Variants in MCTP2 observed in about 807,000 individuals in gnomAD.
MCTP2 encodes the protein multiple C2 and transmembrane domain containing 2, also known as multiple C2 and transmembrane domain-containing protein 2.
Under a neutral mutation model 111.6 loss-of-function variants are expected in MCTP2, and 132 were observed. The observed-to-expected ratio is 1.18, with a 90% CI of 1.03 to 1.37. The LOEUF is 1.37. MCTP2 is among the 40% of genes most tolerant of loss of function. The pLI is 0.00. For missense variants in MCTP2, 1,183 were observed against 1,067.9 expected (o/e 1.11, Z -1.50); for synonymous variants, 395 against 387.7 (o/e 1.02, Z -0.22).
intron 14 of MCTP2, among the ~76,000 whole-genome samples, chr15:94,390,725 CTTTT>C (rs777312969): frequency 4.4e-5 from 5 of 112,982 alleles, no homozygotes; most frequent in Admixed American, 2.7e-4. Flanking sequence ...CTTTTCTTTT[CTTTT>C]TTTTTTTTTT....
intron 4 of MCTP2, among the ~76,000 whole-genome samples, chr15:94,339,052 A>G (rs2077504825): frequency 6.6e-6 from 1 of 152,220 alleles, no homozygotes; most frequent in Non-Finnish European, 1.5e-5. Flanking sequence ...TGACCTACCC[A>G]CAATGAAAGA....
intron 4 of MCTP2, among the ~76,000 whole-genome samples, chr15:94,324,746 C>G (rs1261596195): frequency 6.6e-6 from 1 of 152,050 alleles, no homozygotes; most frequent in Non-Finnish European, 1.5e-5. Context: ...GAGAATTATG[C>G]TATGTAATCG....
chr15:94,254,852 A>C lies in MCTP2; in HGVS notation c.-66+23188A>C, dbSNP rs139069751. 2.8e-4 allele frequency among the ~76,000 whole-genome samples: 43 copies of C among 152,342 alleles called. 1 individual carries two copies. Among genetic ancestry groups the C allele is most frequent in the African/African-American group, 1.0e-3 (42 of 41,586 alleles). ...AGTACTTAGAAACTAATGACTTCGC[A>C]AAAGAGAATTTCCAAACTGTCAATT... is the stretch of plus-strand genomic sequence containing the variant. On this transcript the variant is annotated intron_variant, in intron 1 of 22. Transcript: ENST00000357742.
chr15:94,449,369 C>A (rs1567729681), intron 19 of MCTP2, among the ~76,000 whole-genome samples: 1 of 152,148 alleles, frequency 6.6e-6, no homozygotes, highest in African/African-American at 2.4e-5. Flanking sequence ...AAGAGAACTT[C>A]CGTAACATAT....
At chr15:94,437,972 T>C (rs2083571757) in intron 17 of MCTP2, among the ~76,000 whole-genome samples, 1 of 151,714 alleles carries the variant, frequency 6.6e-6, no homozygotes, top group Admixed American at 6.6e-5. Flanking sequence ...AACAACAAAA[T>C]TGAGACAGAA....
intron 1 of MCTP2, among the ~76,000 whole-genome samples, chr15:94,249,383 TG>T (rs1180500025): frequency 2.6e-5 from 4 of 152,184 alleles, no homozygotes; most frequent in Non-Finnish European, 4.4e-5. Flanking sequence ...ATATTTGTGC[TG>T]AGATGGAGAT....
At chr15:94,361,893 T>G (rs2078961614) in intron 10 of MCTP2, among the ~76,000 whole-genome samples, 1 of 152,166 alleles carries the variant, frequency 6.6e-6, no homozygotes, top group African/African-American at 2.4e-5. Context: ...GAAATCACAT[T>G]GGCATGGGTA....
intron 2 of MCTP2, among the ~76,000 whole-genome samples, chr15:94,307,032 G>C (rs1274001731): frequency 6.6e-6 from 1 of 152,104 alleles, no homozygotes; most frequent in Non-Finnish European, 1.5e-5. Context: ...CAGAGAGGCA[G>C]GTGTGTCAGC....
intron 2 of MCTP2, among the ~76,000 whole-genome samples, chr15:94,305,830 A>T (rs1391715107): frequency 1.3e-5 from 2 of 152,196 alleles, no homozygotes; most frequent in East Asian, 3.9e-4. Context: ...TGAAGAAGCT[A>T]AAGTTAAGGG....
At chr15:94,297,325 C>T (rs913591191) in intron 1 of MCTP2, among the ~76,000 whole-genome samples, 1 of 152,174 alleles carries the variant, frequency 6.6e-6, no homozygotes, top group Non-Finnish European at 1.5e-5. Flanking sequence ...TGTGAAGCAT[C>T]CTTATCCCTC....
Position 94,340,787 on chromosome 15 carries a change from C to G in MCTP2, c.858-26C>G, listed in dbSNP as rs147726074. ...ATACAGTCCTGTCAATAAGTGGTAG[C>G]ATTATTTGTTGCTTTTTGCTTGTAG... On this transcript the variant is annotated intron_variant, in intron 6 of 22. Transcript: ENST00000357742. 2.4e-4 allele frequency: 334 copies of G among 1,407,764 alleles called. 1 individual carries two copies. Among genetic ancestry groups the G allele is most frequent in the Non-Finnish European group, 1.2e-5 (12 of 995,730 alleles). The allele number at this position is 1,407,764 out of a possible 1,614,324, so 87.2% of individuals were successfully genotyped here.
chr15:94,245,332 A>T (rs1032859981), intron 1 of MCTP2, among the ~76,000 whole-genome samples: 41 of 139,526 alleles, frequency 2.9e-4, no homozygotes, highest in Non-Finnish European at 1.8e-4. Context: ...TTACATACAT[A>T]TGTGTAGATA....
chr15:94,286,218 G>T (rs184395760), intron 1 of MCTP2, among the ~76,000 whole-genome samples: 3 of 152,082 alleles, frequency 2.0e-5, no homozygotes, highest in Admixed American at 2.0e-4. Flanking sequence ...ATGCACCAAG[G>T]TATATAAATT....
chr15:94,386,125 A>G lies in MCTP2; in HGVS notation c.1788+600A>G, dbSNP rs1279745993. Among the ~76,000 whole-genome samples, 8 of 152,308 alleles carry G rather than the reference A, an allele frequency of 5.3e-5. No homozygotes were observed. The East Asian group carries it at 7.7e-4, about 15-fold the overall frequency. ...CACCAGGGTCCGTGAAGGAAAAAAT[A>G]CTTACAAAATTCAGAAGAGAAAGCA... On this transcript the variant is annotated intron_variant, in intron 14 of 22. Coordinates refer to ENST00000357742, the MANE Select transcript of MCTP2 (RefSeq NM_001385001.1).
chr15:94,454,466 C>T (rs1445454497), intron 19 of MCTP2, among the ~76,000 whole-genome samples: 10 of 151,944 alleles, frequency 6.6e-5, no homozygotes, highest in Non-Finnish European at 1.0e-4. Context: ...GATAAAGATC[C>T]ATCACATATA....
intron 1 of MCTP2, among the ~76,000 whole-genome samples, chr15:94,294,224 C>T (rs984203916): frequency 3.3e-5 from 5 of 152,110 alleles, no homozygotes; most frequent in African/African-American, 4.8e-5. Context: ...GGCCTGGGAG[C>T]GCGTGATCCT....
intron 1 of MCTP2, among the ~76,000 whole-genome samples, chr15:94,296,132 C>A (rs1165525383): frequency 2.0e-5 from 3 of 152,096 alleles, no homozygotes; most frequent in South Asian, 2.1e-4. Flanking sequence ...CAGATTCCTC[C>A]CAGGTCTCCA....
At chr15:94,236,230 C>A (rs1181724515) in intron 1 of MCTP2, among the ~76,000 whole-genome samples, 1 of 151,906 alleles carries the variant, frequency 6.6e-6, no homozygotes, top group East Asian at 1.9e-4. Context: ...AAGCACCTCC[C>A]CAGGCCACAG....
chr15:94,238,571 T>A (rs72765498), intron 1 of MCTP2, among the ~76,000 whole-genome samples: 5,112 of 152,328 alleles, frequency 0.034, 105 homozygotes, highest in Middle Eastern at 0.12. Flanking sequence ...ATACATGTTA[T>A]GTGCTGAAAT....
Sources: allele counts gnomAD v4.1 joint callset (sites outside exome capture counted in the v4.1 genomes callset), GRCh38; gene constraint gnomAD v4.1.1; transcripts MANE v1.5; gene names NCBI Gene and HGNC (gene_info 2026-07-23, HGNC 2026-07-21).